The following LTBP2 variants were observed in gnomAD, a reference collection of about 807,000 sequenced individuals.
LTBP2 encodes the protein latent transforming growth factor beta binding protein 2, also known as latent-transforming growth factor beta-binding protein 2.
A neutral mutation model predicts 210.6 loss-of-function variants in LTBP2; 103 were observed. The observed-to-expected ratio is 0.49, with a 90% CI of 0.42 to 0.58. The LOEUF (loss-of-function observed/expected upper bound fraction) is 0.58, where lower values mean the gene tolerates loss of function less well. Among genes scored for constraint, LTBP2 ranks in the 20% least tolerant of loss-of-function variants. LTBP2 has a pLI of 0.00. For synonymous variants in LTBP2, 1,007 were observed against 1,015.0 expected (o/e 0.99, Z 0.15); for missense variants, 2,313 against 2,494.5 (o/e 0.93, Z 1.55).
intron 10 of LTBP2, among the ~76,000 whole-genome samples, chr14:74,531,423 G>A (rs1175401730): frequency 6.6e-6 from 1 of 152,234 alleles, no homozygotes; most frequent in African/African-American, 2.4e-5. Context: ...AAGGAAGGGT[G>A]TAAGCCTCTC....
rs1473301423 is a variant in LTBP2 at position 74,516,763 on chromosome 14, T to A, written c.2908+59A>T. On this transcript the variant is annotated intron_variant, in intron 18 of 35. Coordinates refer to ENST00000261978, the MANE Select transcript of LTBP2 (RefSeq NM_000428.3). ...AGGCGTGTTGGTGGTGGGCAGTGCGTAGGGAGGGACAGGTGGGTGGTGGGG... is the reference window on the plus strand; with the variant it reads ...AGGCGTGTTGGTGGTGGGCAGTGCGAAGGGAGGGACAGGTGGGTGGTGGGG... 1.5e-5 allele frequency: 23 copies of A among 1,531,640 alleles called. No individual in the cohort carries two copies. The Middle Eastern group carries it at 8.2e-4, about 55-fold the overall frequency. 94.9% of individuals were successfully genotyped at this position (1,531,640 alleles called of 1,614,324 possible).
chr14:74,542,010 C>T (rs934829037), intron 8 of LTBP2, among the ~76,000 whole-genome samples: 10 of 152,176 alleles, frequency 6.6e-5, no homozygotes, highest in Admixed American at 2.0e-4. Context: ...GTGACTCCCA[C>T]GGATGCTTCA....
intron 12 of LTBP2, 63 bp from the exon 13 acceptor site, chr14:74,527,429 C>G: frequency 6.4e-7 from 1 of 1,572,372 alleles, no homozygotes; most frequent in South Asian, 1.2e-5. Flanking sequence ...CTCCCCTCAC[C>G]GCCACCTGGG....
intron 3 of LTBP2, 89 bp downstream of exon 3, chr14:74,585,765 C>A: frequency 6.3e-7 from 1 of 1,597,346 alleles, no homozygotes; most frequent in Admixed American, 1.7e-5. Context: ...GCCTTCTCCA[C>A]CAGCCTTCAC....
rs780049845 is a variant in LTBP2, at chr14:74,555,651, G to A, written c.873C>T (p.His291=). 14 of 1,579,612 alleles carry A rather than the reference G, an allele frequency of 8.9e-6. No individual in the cohort carries two copies. The highest frequency in any genetic ancestry group is 9.5e-6 in the Non-Finnish European group (11 of 1,158,566). Residue 291 remains histidine, a synonymous_variant, in exon 4 of 36, where the codon CAC becomes CAT. Transcript: ENST00000261978. ...GLSQTHPSQQ[H]VGLSRTVRLH... ...GTCGGACAGTGCGGGACAACCCCAC[G>A]TGCTGCTGGGAAGGGTGGGTCTGGC...
Position 74,548,828 on chromosome 14 carries a change from C to T in LTBP2, c.1789+1035G>A, listed in dbSNP as rs533960422. ...TATCTCCATTTTACAGATCAAGAGA[C>T]TGACGCAGAGAGAGGTGATCAGGAA... is the stretch of plus-strand genomic sequence containing the variant. On this transcript the variant is annotated intron_variant, in intron 8 of 35. Coordinates refer to ENST00000261978, the MANE Select transcript of LTBP2 (RefSeq NM_000428.3). Among the ~76,000 whole-genome samples, 80 of 152,344 alleles carry T rather than the reference C, an allele frequency of 5.3e-4. 1 individual carries two copies. The highest frequency in any genetic ancestry group is 2.1e-3 in the South Asian group (10 of 4,826).
In LTBP2 at chr14:74,532,559, G is replaced by A. The variant is rs1189624375; in HGVS notation, c.1865-11C>T. ...AGCACTCGTTGATATCTGCAGGGTT[G>A]GAGGAGATGACCAAGTGCCCGCCCC... is the stretch of plus-strand genomic sequence containing the variant. On this transcript the variant is annotated splice_polypyrimidine_tract_variant and intron_variant, in intron 9 of 35. Transcript: ENST00000261978. 1.9e-6 allele frequency: 3 copies of A among 1,613,760 alleles called. No homozygotes were observed. Among genetic ancestry groups the A allele is most frequent in the Non-Finnish European group, 2.5e-6 (3 of 1,179,910 alleles).
Position 74,501,001 on chromosome 14 carries a change from C to A in LTBP2, c.5349G>T (p.Gly1783=). The change falls in exon 36 of 36, where the codon GGG becomes GGT. Residue 1783 remains glycine (G), a synonymous_variant. Transcript: ENST00000261978. Reference sequence around the variant, plus strand: ...AACCATGGACACAGAGCACAGCAGGCCCGTTCAAGTCATCACACTCATTCA... The same window carrying A: ...AACCATGGACACAGAGCACAGCAGGACCGTTCAAGTCATCACACTCATTCA... The part of the protein sequence containing the change: ...VDVNECDDLN[G]PAVLCVHGYC... 6.2e-7 allele frequency: 1 copy of A among 1,613,978 alleles called. No individual in the cohort carries two copies. Among genetic ancestry groups the A allele is most frequent in the Non-Finnish European group, 8.5e-7 (1 of 1,179,950 alleles).
rs2086872879 is a variant in LTBP2, at chr14:74,498,294, CCT to C, written c.*2588_*2589del. 5.4e-6 allele frequency: 1 copy of C among 186,220 alleles called. No homozygotes were observed. The highest frequency in any genetic ancestry group is 8.6e-5 in the East Asian group (1 of 11,598). 11.5% of individuals were successfully genotyped at this position (186,220 alleles called of 1,614,324 possible). A position where few individuals can be genotyped will look rare whatever the true frequency, so the allele number is the denominator to read the frequency against. On this transcript the variant is annotated 3_prime_UTR_variant, in exon 36 of 36. Transcript: ENST00000261978. ...GTCTCCCAATCCTGTACCTATCCAC[CCT>C]GTCACCCTCCCCACAAACCACCATT...
intron 4 of LTBP2, among the ~76,000 whole-genome samples, chr14:74,553,384 G>A (rs2087686315): frequency 6.6e-6 from 1 of 152,144 alleles, no homozygotes; most frequent in Non-Finnish European, 1.5e-5. Flanking sequence ...AACCTACTGT[G>A]TCCATTTTAC....
intron 3 of LTBP2, among the ~76,000 whole-genome samples, chr14:74,566,166 T>C (rs4903239): frequency 0.5 from 76,302 of 151,900 alleles, 19,797 homozygotes; most frequent in Non-Finnish European, 0.56. Context: ...TTAAGTATAT[T>C]GATATTTCGT....
intron 1 of LTBP2, among the ~76,000 whole-genome samples, chr14:74,609,888 T>A (rs984478823): frequency 2.6e-5 from 4 of 152,270 alleles, no homozygotes; most frequent in Non-Finnish European, 5.9e-5. Flanking sequence ...CGCAGGATCC[T>A]TGGAAGCATG....
chr14:74,572,340 A>AGAGT (rs139508440), intron 3 of LTBP2, among the ~76,000 whole-genome samples: 7,116 of 146,940 alleles, frequency 0.048, 176 homozygotes, highest in Middle Eastern at 0.097. Context: ...AGAGAGAGAG[A>AGAGT]GTGTGTGTGT....
intron 3 of LTBP2, among the ~76,000 whole-genome samples, chr14:74,564,341 A>T (rs377460371): frequency 2.2e-3 from 12 of 5,562 alleles, no homozygotes; most frequent in African/African-American, 2.4e-3. Context: ...TTATATATAT[A>T]TATTTATATA....
intron 3 of LTBP2, among the ~76,000 whole-genome samples, chr14:74,564,376 TA>T (rs1213779207): frequency 6.8e-5 from 6 of 88,670 alleles, no homozygotes; most frequent in Non-Finnish European, 1.2e-4. Flanking sequence ...TTTATATATA[TA>T]TATTTATATT....
chr14:74,546,964 G>A (rs1595267493), intron 8 of LTBP2, among the ~76,000 whole-genome samples: 1 of 152,210 alleles, frequency 6.6e-6, no homozygotes, highest in South Asian at 2.1e-4. Flanking sequence ...AAGATCTGGG[G>A]ATGTGGTCAT....
chr14:74,606,371 C>T (rs1240972518), intron 1 of LTBP2, among the ~76,000 whole-genome samples: 2 of 152,266 alleles, frequency 1.3e-5, no homozygotes, highest in Admixed American at 1.3e-4. Context: ...CAACCATCCA[C>T]AGCCAAGGCT....
rs140606417 is a variant in LTBP2 at position 74,562,952 on chromosome 14, C to T, written c.831-7259G>A. On this transcript the variant is annotated intron_variant, in intron 3 of 35. Coordinates refer to ENST00000261978, the MANE Select transcript of LTBP2 (RefSeq NM_000428.3). ...AAACCTTCTGTGGTAGGTGTTGCTG[C>T]CCTGCCCTGGTCCCCTTTCTGGCTT... is the stretch of plus-strand genomic sequence containing the variant. Among the ~76,000 whole-genome samples the T allele has an allele frequency of 5.9e-5, 9 of 152,304 alleles. No individual in the cohort carries two copies. In the East Asian group the frequency reaches 1.7e-3, roughly 29 times the overall value.
intron 1 of LTBP2, among the ~76,000 whole-genome samples, chr14:74,608,148 C>G (rs2088554132): frequency 6.6e-6 from 1 of 150,706 alleles, no homozygotes; most frequent in Non-Finnish European, 1.5e-5. Flanking sequence ...TCTCGATCTC[C>G]TGACCTCATG....
Sources: allele counts gnomAD v4.1 joint callset (sites outside exome capture counted in the v4.1 genomes callset), GRCh38; gene constraint gnomAD v4.1.1; transcripts MANE v1.5; gene names NCBI Gene and HGNC (gene_info 2026-07-23, HGNC 2026-07-21).